The following CA10 variants were observed in gnomAD, a reference collection of about 807,000 sequenced individuals.
The protein encoded by CA10 is carbonic anhydrase 10 (inactive), also known as carbonic anhydrase-related protein 10.
Under a neutral mutation model 44.2 loss-of-function variants are expected in CA10, and 14 were observed. The ratio of observed to expected loss-of-function variants is 0.32; its 90% confidence interval spans 0.21 to 0.50. The LOEUF (loss-of-function observed/expected upper bound fraction) is 0.50, where lower values mean the gene tolerates loss of function less well. Ranked by LOEUF, CA10 falls within the 20% of genes least tolerant of loss-of-function variation. The pLI is 0.99. For missense variants in CA10, 350 were observed against 409.7 expected, an observed-to-expected ratio of 0.85 and a Z score of 1.26; for synonymous variants, 159 against 141.6, an observed-to-expected ratio of 1.12 and a Z score of -0.87.
chr17:51,894,787 T>C (rs185361064), intron 3 of CA10, among the ~76,000 whole-genome samples: 8 of 152,152 alleles, frequency 5.3e-5, no homozygotes, highest in African/African-American at 1.7e-4. Flanking sequence ...AGGAAACTAA[T>C]ACACATGGAG....
chr17:52,090,350 C>T (rs7213800), intron 1 of CA10, among the ~76,000 whole-genome samples: 136,282 of 152,142 alleles, frequency 0.9, 61,063 homozygotes, highest in Middle Eastern at 0.93. Context: ...GACTTACTTG[C>T]AGAGATATCA....
intron 3 of CA10, among the ~76,000 whole-genome samples, chr17:51,810,364 G>T (rs757167082): frequency 2.6e-5 from 4 of 152,130 alleles, no homozygotes; most frequent in African/African-American, 9.7e-5. Context: ...CACCAAGAAG[G>T]GTTTCTAGCC....
intron 1 of CA10, among the ~76,000 whole-genome samples, chr17:52,149,418 T>C (rs2076534674): frequency 6.6e-6 from 1 of 152,158 alleles, no homozygotes; most frequent in South Asian, 2.1e-4. Flanking sequence ...GTAATGCAAA[T>C]GTAATCAAAC....
At chr17:52,027,815 T>C (rs956527460) in intron 2 of CA10, among the ~76,000 whole-genome samples, 1 of 152,088 alleles carries the variant, frequency 6.6e-6, no homozygotes, top group Non-Finnish European at 1.5e-5. Context: ...GAGTCACAGT[T>C]GAGTAATTTG....
At chr17:51,892,011 A>C (rs994261081) in intron 3 of CA10, among the ~76,000 whole-genome samples, 4 of 152,254 alleles carry the variant, frequency 2.6e-5, no homozygotes, top group Admixed American at 2.6e-4. Flanking sequence ...GGTAACTATG[A>C]GTCCCTTTTG....
chr17:51,827,702 C>T lies in CA10; in HGVS notation c.280-79884G>A, dbSNP rs140492780. Among the ~76,000 whole-genome samples the T allele has an allele frequency of 3.3e-5, 5 of 152,306 alleles. No individual in the cohort carries two copies. The East Asian group carries it at 9.6e-4, about 29-fold the overall frequency. ...CCCATCTTTAGACATAGAGTTAACA[C>T]ATCCTATGGGCTCTGTGAGTACTTG... On this transcript the variant is annotated intron_variant, in intron 3 of 8. Coordinates refer to ENST00000451037, the MANE Select transcript of CA10 (RefSeq NM_020178.5).
At chr17:52,076,439 G>A (rs1987821110) in intron 1 of CA10, among the ~76,000 whole-genome samples, 1 of 152,162 alleles carries the variant, frequency 6.6e-6, no homozygotes, top group Admixed American at 6.6e-5. Flanking sequence ...AAAGCCTATT[G>A]TAATAGTAGA....
chr17:51,766,966 C>A (rs1425004457), intron 3 of CA10, among the ~76,000 whole-genome samples: 1 of 152,216 alleles, frequency 6.6e-6, no homozygotes, highest in South Asian at 2.1e-4. Context: ...CAATAAAACT[C>A]ATTGTCCAGA....
chr17:51,688,824 T>C (rs1052172284), intron 4 of CA10, among the ~76,000 whole-genome samples: 8 of 152,224 alleles, frequency 5.3e-5, no homozygotes, highest in African/African-American at 1.9e-4. Context: ...GCACTTATCA[T>C]GTGTATTACA....
At chr17:51,750,958 T>C (rs1704456537) in intron 3 of CA10, among the ~76,000 whole-genome samples, 1 of 152,194 alleles carries the variant, frequency 6.6e-6, no homozygotes, top group South Asian at 2.1e-4. Flanking sequence ...GGAAACACAC[T>C]GGCACAAGTA....
intron 4 of CA10, among the ~76,000 whole-genome samples, chr17:51,701,123 G>A (rs1001945065): frequency 2.3e-4 from 35 of 152,156 alleles, no homozygotes; most frequent in Middle Eastern, 3.4e-3. Context: ...TGATATCAAG[G>A]TGCTGGCAGG....
intron 7 of CA10, among the ~76,000 whole-genome samples, chr17:51,634,756 C>A (rs924723601): frequency 6.6e-6 from 1 of 152,194 alleles, no homozygotes; most frequent in Non-Finnish European, 1.5e-5. Flanking sequence ...TGAAGACTGA[C>A]ACATATATTA....
intron 3 of CA10, among the ~76,000 whole-genome samples, chr17:51,917,222 C>T (rs1462442767): frequency 7.8e-6 from 1 of 128,762 alleles, no homozygotes; most frequent in East Asian, 2.4e-4. Flanking sequence ...TGATGGCACC[C>T]AATGTGGAGG....
chr17:52,110,197 A>G (rs1988760403), intron 1 of CA10, among the ~76,000 whole-genome samples: 3 of 152,322 alleles, frequency 2.0e-5, no homozygotes, highest in South Asian at 4.1e-4. Context: ...CTGGATCCCC[A>G]TAACCTTTCT....
chr17:51,925,907 C>T (rs73348490), intron 3 of CA10, among the ~76,000 whole-genome samples: 3,125 of 151,998 alleles, frequency 0.021, 93 homozygotes, highest in African/African-American at 0.071. Flanking sequence ...AGAAACAGAA[C>T]GTAGGACAGA....
intron 4 of CA10, among the ~76,000 whole-genome samples, chr17:51,725,651 G>T (rs1313233425): frequency 6.6e-6 from 1 of 152,208 alleles, no homozygotes; most frequent in Non-Finnish European, 1.5e-5. Flanking sequence ...TCCTGGGGGG[G>T]TGTGTCAGCT....
chr17:51,904,466 G>A (rs746613702), intron 3 of CA10, among the ~76,000 whole-genome samples: 18 of 152,040 alleles, frequency 1.2e-4, no homozygotes, highest in Non-Finnish European at 2.4e-4. Context: ...CCACTGCAGC[G>A]CAAGAAGAGT....
chr17:51,980,353 C>T (rs1011675290), intron 2 of CA10, among the ~76,000 whole-genome samples: 4 of 152,030 alleles, frequency 2.6e-5, no homozygotes, highest in Admixed American at 2.0e-4. Flanking sequence ...CCCTTCATGT[C>T]CTTTGCCCAC....
intron 1 of CA10, among the ~76,000 whole-genome samples, chr17:52,142,473 A>G (rs1323442042): frequency 6.6e-6 from 1 of 152,210 alleles, no homozygotes; most frequent in Non-Finnish European, 1.5e-5. Context: ...TTCATATGTC[A>G]TTTAATAATG....
Sources: allele counts gnomAD v4.1 joint callset (sites outside exome capture counted in the v4.1 genomes callset), GRCh38; gene constraint gnomAD v4.1.1; transcripts MANE v1.5; gene names NCBI Gene and HGNC (gene_info 2026-07-23, HGNC 2026-07-21).